Variants in CELF1 observed in about 807,000 individuals in gnomAD.
CELF1 encodes the protein 50 kDa nuclear polyadenylated RNA-binding protein.
CELF1 carries 10 observed loss-of-function variants against 61.8 expected under a neutral mutation model. The observed-to-expected ratio is 0.16, with a 90% CI of 0.10 to 0.27. CELF1 has a LOEUF of 0.27. Ranked by LOEUF, CELF1 falls within the 10% of genes least tolerant of loss-of-function variation. The probability of loss-of-function intolerance (pLI) is 1.00; values close to 1 mark genes in which losing one functional copy is unlikely to be tolerated. For synonymous variants in CELF1, 236 were observed against 225.1 expected, an observed-to-expected ratio of 1.05 and a Z score of -0.43; for missense variants, 380 against 639.1, an observed-to-expected ratio of 0.59 and a Z score of 4.37.
Position 47,475,530 on chromosome 11 carries a change from GA to G in CELF1, c.1088-10del, listed in dbSNP as rs1370245127. ...ATTTAAAGCAGCCATTCCTTGGTTG[GA>G]GGAAGAGAAGGATTAATATACTAGA... On this transcript the variant is annotated splice_polypyrimidine_tract_variant and intron_variant, in intron 12 of 14. Transcript: ENST00000687097. 6.2e-7 allele frequency: 1 copy of G among 1,613,512 alleles called. No homozygotes were observed. Among genetic ancestry groups the G allele is most frequent in the Non-Finnish European group, 8.5e-7 (1 of 1,179,848 alleles).
intron 1 of CELF1, among the ~76,000 whole-genome samples, chr11:47,525,737 T>C (rs2153670860): frequency 1.3e-5 from 2 of 152,298 alleles, no homozygotes; most frequent in Admixed American, 1.3e-4. Flanking sequence ...AGACAGTACA[T>C]GACTACTGCA....
intron 3 of CELF1, among the ~76,000 whole-genome samples, chr11:47,491,998 G>C (rs2153499330): frequency 6.6e-6 from 1 of 152,230 alleles, no homozygotes; most frequent in South Asian, 2.1e-4. Flanking sequence ...TTCTTTTAAA[G>C]ACATGGTCTC....
At chr11:47,472,429 G>T in intron 14 of CELF1, 72 bp from the exon 15 acceptor site, 1 of 1,518,120 alleles carries the variant, frequency 6.6e-7, no homozygotes, top group Non-Finnish European at 9.1e-7. Context: ...CCTTATGCAA[G>T]ATACCTTATG....
chr11:47,500,000 C>T (rs1231908200), intron 2 of CELF1, among the ~76,000 whole-genome samples: 6 of 152,198 alleles, frequency 3.9e-5, no homozygotes, highest in Non-Finnish European at 8.8e-5. Flanking sequence ...GGGTTGTTAG[C>T]CTTGCTTTTA....
At chr11:47,503,971 T>C (rs1351506458) in intron 1 of CELF1, among the ~76,000 whole-genome samples, 9 of 151,570 alleles carry the variant, frequency 5.9e-5, no homozygotes, top group African/African-American at 2.2e-4. Flanking sequence ...GCCCAGGAGT[T>C]TGAGACTAGT....
At chr11:47,486,005 C>T (rs2086701546) in intron 6 of CELF1, among the ~76,000 whole-genome samples, 1 of 144,884 alleles carries the variant, frequency 6.9e-6, no homozygotes, top group Admixed American at 6.8e-5. Context: ...ACTAAAAATA[C>T]AAAAAATTAG....
In CELF1 at chr11:47,470,439, G is replaced by A. The variant is rs1000225583; in HGVS notation, c.*1791C>T. 6.6e-6 allele frequency: 1 copy of A among 152,056 alleles called. No individual in the cohort carries two copies. The highest frequency in any genetic ancestry group is 2.4e-5 in the African/African-American group (1 of 41,378). 9.4% of individuals were successfully genotyped at this position (152,056 alleles called of 1,614,324 possible). On this transcript the variant is annotated 3_prime_UTR_variant, in exon 15 of 15. Coordinates refer to ENST00000687097, the MANE Select transcript of CELF1 (RefSeq NM_001376376.1). ...GTGCGCAGAATTTCAAGTTTACGTG[G>A]TTCAGCTTAAGAAGTGTATGTTTCA...
chr11:47,553,551 G>C (rs1200653887), upstream of CELF1, among the ~76,000 whole-genome samples: 13 of 152,220 alleles, frequency 8.5e-5, no homozygotes, highest in Non-Finnish European at 1.8e-4. Flanking sequence ...AAATGGATGA[G>C]TGAGTGACTG....
At chr11:47,535,359 A>G (rs1459283072) in intron 1 of CELF1, among the ~76,000 whole-genome samples, 4 of 152,142 alleles carry the variant, frequency 2.6e-5, no homozygotes, top group Admixed American at 6.6e-5. Context: ...ACCGTAGGCA[A>G]TAGTTATTAA....
At chr11:47,512,151 TTTTTG>T (rs936952638) in intron 1 of CELF1, among the ~76,000 whole-genome samples, 4 of 151,278 alleles carry the variant, frequency 2.6e-5, no homozygotes, top group African/African-American at 7.3e-5. Flanking sequence ...TGTGCCCGGT[TTTTTG>T]TTTTGTTTTG....
chr11:47,484,349 CAAAA>C, intron 7 of CELF1, 36 bp downstream of exon 7: 1 of 1,572,768 alleles, frequency 6.4e-7, no homozygotes, highest in South Asian at 1.2e-5. Context: ...CAAACCAAAA[CAAAA>C]AACCAAAAGA....
At chr11:47,554,193 GA>G (rs984881298), upstream of CELF1, among the ~76,000 whole-genome samples, 95 of 152,056 alleles carry the variant, frequency 6.2e-4, no homozygotes, top group African/African-American at 1.9e-3. Flanking sequence ...CTTTGGGGGG[GA>G]AAAAAACTAA....
chr11:47,515,200 AT>A lies in CELF1; in HGVS notation c.-153-14269del, dbSNP rs1377163097. 2.6e-5 allele frequency among the ~76,000 whole-genome samples: 4 copies of A among 152,186 alleles called. No homozygotes were observed. The East Asian group carries it at 7.7e-4, about 29-fold the overall frequency. The stretch of plus-strand genomic sequence containing the variant: ...TGTTCCAGGCACACCAGTGTTAAGT[AT>A]TTGCCTGGTGGCTTCTACCTTCAAA... On this transcript the variant is annotated intron_variant, in intron 1 of 14. Transcript: ENST00000687097.
chr11:47,530,720 C>T (rs560974602), intron 1 of CELF1, among the ~76,000 whole-genome samples: 9 of 152,142 alleles, frequency 5.9e-5, no homozygotes, highest in Non-Finnish European at 8.8e-5. Flanking sequence ...TTTCGGAGGC[C>T]GAGGCAGGAA....
At position 47,486,609 on chromosome 11, in the gene CELF1, C is replaced by T. The variant is rs1317692069; in HGVS notation, c.391+141G>A. 4 of 674,184 alleles carry T rather than the reference C, an allele frequency of 5.9e-6. No homozygotes were observed. The Admixed American group carries it at 6.6e-5, about 11-fold the overall frequency. 41.8% of individuals were successfully genotyped at this position (674,184 alleles called of 1,614,324 possible). A position where few individuals can be genotyped will look rare whatever the true frequency, so the allele number is the denominator to read the frequency against. On this transcript the variant is annotated intron_variant, in intron 6 of 14. Coordinates refer to ENST00000687097, the MANE Select transcript of CELF1 (RefSeq NM_001376376.1). ...ATTTTTAGTAGAGACGGGGTTTCAC[C>T]ATGTTGGCCAGACTGGCTCGAACTC... is the stretch of plus-strand genomic sequence containing the variant.
Position 47,499,584 on chromosome 11 carries a change from A to C in CELF1, c.-61T>G, listed in dbSNP as rs1565830363. On this transcript the variant is annotated 5_prime_UTR_variant, in exon 3 of 15. The change creates a new upstream start codon in the 5' untranslated region. Coordinates refer to ENST00000687097, the MANE Select transcript of CELF1 (RefSeq NM_001376376.1). Reference sequence around the variant, plus strand: ...ACTTGCTGCACTTGTCTGATCCACAAATACACACAGCTTTAGCTTCCTGGG... The same window carrying C: ...ACTTGCTGCACTTGTCTGATCCACACATACACACAGCTTTAGCTTCCTGGG... 1.5e-6 allele frequency: 2 copies of C among 1,340,084 alleles called. No homozygotes were observed. The highest frequency in any genetic ancestry group is 2.5e-5 in the East Asian group (1 of 39,944). The allele number at this position is 1,340,084 out of a possible 1,614,324, so 83.0% of individuals were successfully genotyped here.
At chr11:47,493,339 T>A (rs1176888804) in intron 3 of CELF1, among the ~76,000 whole-genome samples, 6 of 127,966 alleles carry the variant, frequency 4.7e-5, no homozygotes, top group Admixed American at 8.1e-5. Context: ...CGTCCCTACT[T>A]AAAAAAAAAA....
rs376173983 is a variant in CELF1 at position 47,562,712 on chromosome 11, G to GT, written c.-11+1638dup. ...GATCAGTTTTTTTTTGTTTTGTTTT[G>GT]TTTTTTTTTTGATATGGAGTCTCAC... On this transcript the variant is annotated intron_variant, in intron 2 of 3. Coordinates refer to the CELF1 transcript ENST00000525841. 7.9e-3 allele frequency among the ~76,000 whole-genome samples: 1,145 copies of GT among 145,798 alleles called. 6 individuals carry two copies. The highest frequency in any genetic ancestry group is 0.024 in the African/African-American group (952 of 39,844).
rs780910166 is a variant in CELF1, at chr11:47,546,636, T to G, written c.-154+6356A>C. Among the ~76,000 whole-genome samples, 15 of 152,158 alleles carry G rather than the reference T, an allele frequency of 9.9e-5. 1 individual carries two copies. The highest frequency in any genetic ancestry group is 1.5e-5 in the Non-Finnish European group (1 of 68,026). ...GGCCATTAATGACAGATTTACAAAT[T>G]TATCTGTGCACAACATAAGATACCT... On this transcript the variant is annotated intron_variant, in intron 1 of 14. Transcript: ENST00000687097.
Sources: allele counts gnomAD v4.1 joint callset (sites outside exome capture counted in the v4.1 genomes callset), GRCh38; gene constraint gnomAD v4.1.1; transcripts MANE v1.5; gene names NCBI Gene and HGNC (gene_info 2026-07-23, HGNC 2026-07-21).